Variants in IZUMO2 observed in about 807,000 individuals in gnomAD.
IZUMO2 encodes izumo sperm-egg fusion protein 2.
A neutral mutation model predicts 31.2 loss-of-function variants in IZUMO2; 24 were observed. The observed-to-expected ratio is 0.77, with a 90% confidence interval of 0.56 to 1.08. The LOEUF (loss-of-function observed/expected upper bound fraction) is 1.08, where lower values mean the gene tolerates loss of function less well. Ranked by LOEUF, IZUMO2 falls within the 50% of genes least tolerant of loss-of-function variation. The probability of loss-of-function intolerance (pLI) is 0.00; values close to 1 mark genes in which losing one functional copy is unlikely to be tolerated. For synonymous variants in IZUMO2, 144 were observed against 117.3 expected, an observed-to-expected ratio of 1.23 and a Z score of -1.47; for missense variants, 278 against 274.0, an observed-to-expected ratio of 1.01 and a Z score of -0.10.
chr19:50,159,587 A>G lies in IZUMO2; in HGVS notation c.308-7T>C. On this transcript the variant is annotated splice_polypyrimidine_tract_variant and splice_region_variant and intron_variant, in intron 2 of 6. Transcript: ENST00000293405. ...TCTTCCAGCAGAGGCTCATCTGAGG[A>G]GAGAAAGAGATCTCTGTGGGGTGGG... 1 of 1,599,784 alleles carries G rather than the reference A, an allele frequency of 6.3e-7. No individual in the cohort carries two copies. The highest frequency in any genetic ancestry group is 8.6e-7 in the Non-Finnish European group (1 of 1,167,168).
intron 5 of IZUMO2, 108 bp downstream of exon 5, chr19:50,158,160 G>T: frequency 1.6e-6 from 1 of 624,724 alleles, no homozygotes. Context: ...GGTTAGGGCA[G>T]GATTCGAGGC....
At chr19:50,153,517 A>G (rs2030096178) in intron 6 of IZUMO2, among the ~76,000 whole-genome samples, 1 of 152,162 alleles carries the variant, frequency 6.6e-6, no homozygotes, top group African/African-American at 2.4e-5. Context: ...AACAGCGTTC[A>G]CTGGCCAGGC....
rs894095402 is a variant in IZUMO2, at chr19:50,163,108, C to T, written c.87G>A (p.Leu29=). The change falls in exon 1 of 7, where the codon CTG becomes CTA. Residue 29 remains leucine (L), a synonymous_variant. Coordinates refer to ENST00000293405, the MANE Select transcript of IZUMO2 (RefSeq NM_152358.3). The stretch of plus-strand genomic sequence containing the variant: ...CGGAGCGCAGGTGACCCAGGGCCTC[C>T]AGCACCAAGGGGTCGCACTGCAGGC... ...WGCLQCDPLV[L]EALGHLRSAL... is the part of the protein sequence containing the mutation. The T allele has an allele frequency of 1.2e-6, 2 of 1,609,706 alleles. No homozygotes were observed. Among genetic ancestry groups the T allele is most frequent in the East Asian group, 2.2e-5 (1 of 44,604 alleles).
At chr19:50,159,669 G>T in intron 2 of IZUMO2, 89 bp from the exon 3 acceptor site, 1 of 774,848 alleles carries the variant, frequency 1.3e-6, no homozygotes, top group South Asian at 1.5e-5. Context: ...AGATGAGGAA[G>T]CTCCTCTTCA....
chr19:50,157,034 G>A (rs908401051), intron 5 of IZUMO2, among the ~76,000 whole-genome samples: 1 of 152,146 alleles, frequency 6.6e-6, no homozygotes, highest in Admixed American at 6.6e-5. Context: ...GCTATGTATG[G>A]GGCATGGTGT....
At chr19:50,153,348 T>C (rs1438356606) in intron 6 of IZUMO2, among the ~76,000 whole-genome samples, 1 of 152,188 alleles carries the variant, frequency 6.6e-6, no homozygotes, top group Admixed American at 6.5e-5. Flanking sequence ...ACATTTCTTT[T>C]GCTTTAAGTC....
At chr19:50,154,787 C>T in intron 5 of IZUMO2, 61 bp from the exon 6 acceptor site, 1 of 1,584,058 alleles carries the variant, frequency 6.3e-7, no homozygotes, top group Non-Finnish European at 8.6e-7. Flanking sequence ...AGCCCCATAC[C>T]CACCCCACCT....
rs1444697996 is a variant in IZUMO2, at chr19:50,159,539, C to T, written c.349G>A (p.Val117Met). 6.2e-7 allele frequency: 1 copy of T among 1,613,674 alleles called. No homozygotes were observed. Among genetic ancestry groups the T allele is most frequent in the Admixed American group, 1.7e-5 (1 of 59,990 alleles). The change falls in exon 3 of 7, where the codon GTG (valine) becomes ATG (methionine). Residue 117 changes from valine (V) to methionine (M), a missense_variant. By Grantham distance (21) the Val-to-Met change is conservative. Coordinates refer to ENST00000293405, the MANE Select transcript of IZUMO2 (RefSeq NM_152358.3). Reference protein sequence around the residue: ...LEELVTLRANVIKEFKKVLIS... With the variant: ...LEELVTLRANMIKEFKKVLIS... ...AAAACTTTCTTGAATTCCTTGATCA[C>T]ATTCGCCCTGAGGGTCACCAGCTCT...
At position 50,159,671 on chromosome 19, in the gene IZUMO2, T is replaced by A. The variant is rs965640874; in HGVS notation, c.308-91A>T. ...CTTCCAGGAGAAGAGATGAGGAAGC[T>A]CCTCTTCATTTATAAAGGGTAACCA... On this transcript the variant is annotated intron_variant, in intron 2 of 6. Transcript: ENST00000293405. The A allele has an allele frequency of 2.9e-5, 22 of 763,612 alleles. No homozygotes were observed. The Admixed American group carries it at 4.7e-4, about 16-fold the overall frequency. The allele number at this position is 763,612 out of a possible 1,614,324, so 47.3% of individuals were successfully genotyped here.
chr19:50,159,537 C>T lies in IZUMO2; in HGVS notation c.351G>A (p.Val117=), dbSNP rs773569667. Residue 117 remains valine, a synonymous_variant, in exon 3 of 7, where the codon GTG becomes GTA. Coordinates refer to ENST00000293405, the MANE Select transcript of IZUMO2 (RefSeq NM_152358.3). The part of the protein sequence containing the change: ...LEELVTLRAN[V]IKEFKKVLIS... ...TTAAAACTTTCTTGAATTCCTTGAT[C>T]ACATTCGCCCTGAGGGTCACCAGCT... 1 of 1,613,498 alleles carries T rather than the reference C, an allele frequency of 6.2e-7. No individual in the cohort carries two copies. The highest frequency in any genetic ancestry group is 8.5e-7 in the Non-Finnish European group (1 of 1,179,564).
In IZUMO2 at chr19:50,159,524, T is replaced by G. The variant is rs561465392; in HGVS notation, c.364A>C (p.Lys122Gln). ...TLRANVIKEFKKVLISYELKA... is the reference protein window; with the variant it reads ...TLRANVIKEFQKVLISYELKA... ...AATTCATATGAAATTAAAACTTTCT[T>G]GAATTCCTTGATCACATTCGCCCTG... Residue 122 changes from lysine (K) to glutamine (Q), a missense_variant, in exon 3 of 7, where the codon AAG becomes CAG. Coordinates refer to ENST00000293405, the MANE Select transcript of IZUMO2 (RefSeq NM_152358.3). 18 of 1,613,128 alleles carry G rather than the reference T, an allele frequency of 1.1e-5. No homozygotes were observed. The highest frequency in any genetic ancestry group is 2.7e-5 in the African/African-American group (2 of 74,984).
At chr19:50,154,263 CGT>C (rs1491288319) in intron 6 of IZUMO2, among the ~76,000 whole-genome samples, 1,292 of 40,584 alleles carry the variant, frequency 0.032, 69 homozygotes, top group Non-Finnish European at 0.034. Flanking sequence ...TAACTTTTAG[CGT>C]TTTTTTTTTT....
chr19:50,162,978 A>T lies in IZUMO2; in HGVS notation c.217T>A (p.Phe73Ile), dbSNP rs199600819. Residue 73 changes from phenylalanine (F) to isoleucine (I), a missense_variant, in exon 1 of 7, where the codon TTT (phenylalanine) becomes ATT (isoleucine). By Grantham distance (21) the Phe-to-Ile change is conservative. Coordinates refer to ENST00000293405, the MANE Select transcript of IZUMO2 (RefSeq NM_152358.3). ...CAACACGCACCCACTTTCCCCACAA[A>T]CACGTTCAGCGCGTAGTCCCGGAAG... ...PFFRDYALNV[F>I]VGKVETNQLD... is the part of the protein sequence containing the mutation. 31 of 1,612,762 alleles carry T rather than the reference A, an allele frequency of 1.9e-5. No homozygotes were observed. The Middle Eastern group carries it at 4.9e-4, about 26-fold the overall frequency.
intron 2 of IZUMO2, among the ~76,000 whole-genome samples, chr19:50,161,120 CTTTTTCT>C (rs1231558057): frequency 2.0e-5 from 3 of 147,432 alleles, no homozygotes; most frequent in Non-Finnish European, 4.5e-5. Flanking sequence ...TTTTCTTTTC[CTTTTTCT>C]TTTTTTTTTT....
In IZUMO2 at chr19:50,163,116, A is replaced by G. The variant is rs1161622641; in HGVS notation, c.79T>C (p.Leu27=). The change falls in exon 1 of 7, where the codon TTG becomes CTG. Residue 27 remains leucine (L), a synonymous_variant. Coordinates refer to ENST00000293405, the MANE Select transcript of IZUMO2 (RefSeq NM_152358.3). ...GGWGCLQCDP[L]VLEALGHLRS... is the part of the protein sequence containing the mutation. ...AGGTGACCCAGGGCCTCCAGCACCA[A>G]GGGGTCGCACTGCAGGCAGCCCCAG... is the stretch of plus-strand genomic sequence containing the variant. 4.4e-6 allele frequency: 7 copies of G among 1,606,880 alleles called. No individual in the cohort carries two copies. Among genetic ancestry groups the G allele is most frequent in the Non-Finnish European group, 5.9e-6 (7 of 1,177,200 alleles).
At chr19:50,162,887 G>A in intron 1 of IZUMO2, 74 bp from the exon 2 acceptor site, 1 of 1,603,008 alleles carries the variant, frequency 6.2e-7, no homozygotes. Flanking sequence ...TCCAGGCCTG[G>A]CCCCGACCCC....
intron 2 of IZUMO2, 96 bp downstream of exon 2, chr19:50,162,643 A>C: frequency 9.7e-7 from 1 of 1,034,704 alleles, no homozygotes. Context: ...GCTACATTGC[A>C]TGCGTGTTTG....
At chr19:50,154,264 GT>G (rs71180675) in intron 6 of IZUMO2, among the ~76,000 whole-genome samples, 46,169 of 79,190 alleles carry the variant, frequency 0.58, 15,825 homozygotes, top group East Asian at 0.84. Context: ...AACTTTTAGC[GT>G]TTTTTTTTTT....
In IZUMO2 at chr19:50,163,024, C is replaced by G; in HGVS notation, c.171G>C (p.Leu57=). The change falls in exon 1 of 7, where the codon CTG becomes CTC. Residue 57 remains leucine (L), a synonymous_variant. Coordinates refer to ENST00000293405, the MANE Select transcript of IZUMO2 (RefSeq NM_152358.3). ...GGAAGAAAGGCCCCTCCATGCCCAT[C>G]AGCACGGCCCCGGCGCGCGCCTGCA... ...EQLQARAGAV[L]MGMEGPFFRD... 6.2e-7 allele frequency: 1 copy of G among 1,612,370 alleles called. No homozygotes were observed. The highest frequency in any genetic ancestry group is 8.5e-7 in the Non-Finnish European group (1 of 1,178,950).
Sources: allele counts gnomAD v4.1 joint callset (sites outside exome capture counted in the v4.1 genomes callset), GRCh38; gene constraint gnomAD v4.1.1; transcripts MANE v1.5; gene names NCBI Gene and HGNC (gene_info 2026-07-23, HGNC 2026-07-21).